Variants in LRRN3 observed in about 807,000 individuals in gnomAD.
LRRN3 encodes the protein leucine-rich repeat neuronal protein 3.
LRRN3 carries 15 observed loss-of-function variants against 40.1 expected under a neutral mutation model. The ratio of observed to expected loss-of-function variants is 0.37; its 90% CI spans 0.25 to 0.58. The LOEUF is 0.58. LRRN3 is among the 20% of genes least tolerant of loss of function. LRRN3 has a pLI of 0.72. For missense variants in LRRN3, 746 were observed against 837.7 expected, an observed-to-expected ratio of 0.89 and a Z score of 1.35; for synonymous variants, 308 against 297.2, an observed-to-expected ratio of 1.04 and a Z score of -0.37.
At chr7:111,098,779 A>T (rs886625473) in intron 1 of LRRN3, among the ~76,000 whole-genome samples, 5 of 151,790 alleles carry the variant, frequency 3.3e-5, no homozygotes, top group African/African-American at 4.8e-5. Flanking sequence ...AATGAAGAAC[A>T]CGAAAAGGAA....
chr7:111,122,746 A>G lies in LRRN3; in HGVS notation c.-27A>G, dbSNP rs892815887. On this transcript the variant is annotated 5_prime_UTR_variant, in exon 3 of 3. Transcript: ENST00000308478. ...CTGACTGTGGAATCCTTAAGGGCCC[A>G]TTACATTTCTGAAGAAGAAAGCTAA... The G allele has an allele frequency of 2.5e-6, 4 of 1,581,340 alleles. No individual in the cohort carries two copies. The highest frequency in any genetic ancestry group is 2.2e-5 in the East Asian group (1 of 44,672).
chr7:111,116,121 T>A (rs948796915), intron 2 of LRRN3, among the ~76,000 whole-genome samples: 2 of 152,236 alleles, frequency 1.3e-5, no homozygotes, highest in East Asian at 3.8e-4. Flanking sequence ...TTGTGCTATT[T>A]AAGTTACTAC....
At chr7:111,112,382 A>C (rs2129584103) in intron 2 of LRRN3, among the ~76,000 whole-genome samples, 1 of 152,336 alleles carries the variant, frequency 6.6e-6, no homozygotes, top group South Asian at 2.1e-4. Context: ...GTCACTTCGT[A>C]CTTCAGAGTG....
chr7:111,102,999 G>A (rs1798144681), intron 2 of LRRN3, among the ~76,000 whole-genome samples: 1 of 151,454 alleles, frequency 6.6e-6, no homozygotes, highest in African/African-American at 2.4e-5. Context: ...AAAAATTGCT[G>A]ACAATAACAT....
chr7:111,124,533 T>A lies in LRRN3; in HGVS notation c.1761T>A (p.Thr587=), dbSNP rs1801054924. 5.0e-6 allele frequency: 8 copies of A among 1,613,602 alleles called. No individual in the cohort carries two copies. The highest frequency in any genetic ancestry group is 6.8e-6 in the Non-Finnish European group (8 of 1,179,846). Residue 587 remains threonine, a synonymous_variant, in exon 3 of 3, where the codon ACT becomes ACA. Coordinates refer to ENST00000308478, the MANE Select transcript of LRRN3 (RefSeq NM_001099658.2). ...ATCTTACTCATCTGAATCCATCAACTGAGTATAAAATTTGTATTGATATTC... is the reference window on the plus strand; with the variant it reads ...ATCTTACTCATCTGAATCCATCAACAGAGTATAAAATTTGTATTGATATTC... ...VYNLTHLNPS[T]EYKICIDIPT... is the part of the protein sequence containing the mutation.
At chr7:111,095,075 CATA>C (rs1797265439) in intron 1 of LRRN3, among the ~76,000 whole-genome samples, 1 of 151,706 alleles carries the variant, frequency 6.6e-6, no homozygotes, top group African/African-American at 2.4e-5. Context: ...ATCTTTAGGC[CATA>C]ATAAGGGAAG....
At chr7:111,119,052 G>C (rs1800252319) in intron 2 of LRRN3, among the ~76,000 whole-genome samples, 1 of 152,116 alleles carries the variant, frequency 6.6e-6, no homozygotes, top group African/African-American at 2.4e-5. Context: ...CCCCCAGAAA[G>C]AATGCCTCAT....
chr7:111,093,191 G>A lies in LRRN3; in HGVS notation c.-441+1687G>A, dbSNP rs1287876954. Among the ~76,000 whole-genome samples the A allele has an allele frequency of 2.2e-4, 34 of 152,178 alleles. 1 individual carries two copies. The highest frequency in any genetic ancestry group is 8.8e-5 in the Non-Finnish European group (6 of 68,032). ...TAAGATGAACAAGTTTAAGAAGAGG[G>A]TTCCTGCTCAGAGAAAAATGAAAGG... On this transcript the variant is annotated intron_variant, in intron 1 of 2. Transcript: ENST00000308478.
At chr7:111,102,592 C>G (rs1798090224) in intron 2 of LRRN3, among the ~76,000 whole-genome samples, 1 of 151,084 alleles carries the variant, frequency 6.6e-6, no homozygotes, top group Non-Finnish European at 1.5e-5. Context: ...TTAAATCAGT[C>G]AAATAAAAGA....
chr7:111,091,861 AAGAGAGAAGAC>A (rs771732419), intron 1 of LRRN3, among the ~76,000 whole-genome samples: 9 of 151,922 alleles, frequency 5.9e-5, no homozygotes, highest in Non-Finnish European at 1.0e-4. Flanking sequence ...GGAGATGGGG[AAGAGAGAAGAC>A]AGAGAGGAGA....
At position 111,091,368 on chromosome 7, in the gene LRRN3, CTT is replaced by C. The variant is rs1188618106; in HGVS notation, c.-575_-574del. ...ATATCTATAGTATATATTTTGTACA[CTT>C]TGTTACACAGACACACAAATGCACC... On this transcript the variant is annotated 5_prime_UTR_variant, in exon 1 of 3. Transcript: ENST00000308478. 2 of 152,222 alleles carry C rather than the reference CTT, an allele frequency of 1.3e-5. No individual in the cohort carries two copies. Among genetic ancestry groups the C allele is most frequent in the African/African-American group, 2.4e-5 (1 of 41,544 alleles). 9.4% of individuals were successfully genotyped at this position (152,222 alleles called of 1,614,324 possible). A position where few individuals can be genotyped will look rare whatever the true frequency, so the allele number is the denominator to read the frequency against.
chr7:111,108,117 T>C (rs1798755421), intron 2 of LRRN3, among the ~76,000 whole-genome samples: 1 of 152,034 alleles, frequency 6.6e-6, no homozygotes, highest in African/African-American at 2.4e-5. Flanking sequence ...TAGTGCAGAT[T>C]CTTAACCCCA....
chr7:111,104,259 A>G (rs575257219), intron 2 of LRRN3, among the ~76,000 whole-genome samples: 3 of 151,840 alleles, frequency 2.0e-5, no homozygotes, highest in South Asian at 2.1e-4. Flanking sequence ...GACAAAAGTC[A>G]TATGATTTTC....
chr7:111,104,452 T>A (rs920853691), intron 2 of LRRN3, among the ~76,000 whole-genome samples: 19 of 151,840 alleles, frequency 1.3e-4, no homozygotes, highest in Non-Finnish European at 2.5e-4. Flanking sequence ...TTATATATTT[T>A]GATATGATGT....
chr7:111,121,269 T>C (rs1800579985), intron 2 of LRRN3, among the ~76,000 whole-genome samples: 1 of 152,216 alleles, frequency 6.6e-6, no homozygotes, highest in Non-Finnish European at 1.5e-5. Flanking sequence ...GTCTGTCAGA[T>C]GAGTAGATTG....
intron 2 of LRRN3, among the ~76,000 whole-genome samples, chr7:111,116,149 C>A (rs1343144029): frequency 6.6e-6 from 1 of 152,142 alleles, no homozygotes; most frequent in Non-Finnish European, 1.5e-5. Flanking sequence ...TCTGAGAGAA[C>A]TTTATTACAA....
At chr7:111,110,957 A>G (rs1335107236) in intron 2 of LRRN3, among the ~76,000 whole-genome samples, 12 of 152,208 alleles carry the variant, frequency 7.9e-5, no homozygotes, top group Non-Finnish European at 1.5e-5. Context: ...AAAATGTATT[A>G]AATCCTAACC....
Position 111,124,190 on chromosome 7 carries a change from T to A in LRRN3, c.1418T>A (p.Phe473Tyr), listed in dbSNP as rs1244294076. The change falls in exon 3 of 3, where the codon TTC becomes TAC. Residue 473 changes from phenylalanine to tyrosine, a missense_variant. Physicochemically the swap from Phe to Tyr is conservative, Grantham distance 22 (BLOSUM62 3). Coordinates refer to ENST00000308478, the MANE Select transcript of LRRN3 (RefSeq NM_001099658.2). ...TTGCCTAATACCCTGACAGACAAGT[T>A]CTATGTCCATTCTGAGGGAACACTA... Reference protein sequence around the residue: ...KLLPNTLTDKFYVHSEGTLDI... With the variant: ...KLLPNTLTDKYYVHSEGTLDI... 1.2e-6 allele frequency: 2 copies of A among 1,613,794 alleles called. No homozygotes were observed. The highest frequency in any genetic ancestry group is 2.7e-5 in the African/African-American group (2 of 74,910).
At chr7:111,103,286 G>C (rs1798181411) in intron 2 of LRRN3, among the ~76,000 whole-genome samples, 1 of 151,422 alleles carries the variant, frequency 6.6e-6, no homozygotes, top group Non-Finnish European at 1.5e-5. Context: ...TTGCCAACAA[G>C]CATACACGTA....
Sources: gnomAD v4.1 joint callset for allele counts (sites outside exome capture counted in the v4.1 genomes callset) on GRCh38, gnomAD v4.1.1 for gene constraint, MANE v1.5 for transcripts, NCBI Gene and HGNC (gene_info 2026-07-23, HGNC 2026-07-21) for gene names.